EPC1: variants seen among roughly 807,000 people sequenced by gnomAD.
The protein encoded by EPC1 is enhancer of polycomb 1, also known as enhancer of polycomb homolog 1.
A neutral mutation model predicts 98.4 loss-of-function variants in EPC1; 12 were observed. The ratio of observed to expected loss-of-function variants is 0.12; its 90% CI spans 0.08 to 0.20. The LOEUF is 0.20. EPC1 is among the 10% of genes least tolerant of loss of function. The probability of loss-of-function intolerance (pLI) is 1.00; values close to 1 mark genes in which losing one functional copy is unlikely to be tolerated. For synonymous variants in EPC1, 357 were observed against 363.9 expected, an observed-to-expected ratio of 0.98 and a Z score of 0.21; for missense variants, 729 against 990.5, an observed-to-expected ratio of 0.74 and a Z score of 3.54.
In EPC1 at chr10:32,271,904, G is replaced by A. The variant is rs1835865233; in HGVS notation, c.2019C>T (p.Gly673=). 1.1e-5 allele frequency: 17 copies of A among 1,613,606 alleles called. No homozygotes were observed. Among genetic ancestry groups the A allele is most frequent in the Non-Finnish European group, 1.4e-5 (17 of 1,179,688 alleles). The part of the protein sequence containing the change: ...GVLPASGVYK[G]LHLSSTTPTA... The stretch of plus-strand genomic sequence containing the variant: ...TTGGTGTAGTACTACTGAGGTGTAA[G>A]CCCTTGTATACTCCTAGAGAGAAAA... Residue 673 remains glycine, a synonymous_variant, in exon 13 of 14, where the codon GGC becomes GGT. Coordinates refer to ENST00000319778, the MANE Select transcript of EPC1 (RefSeq NM_001272004.3).
At chr10:32,286,640 C>A (rs1414790141) in intron 9 of EPC1, 54 bp downstream of exon 9, 10 of 1,589,868 alleles carry the variant, frequency 6.3e-6, no homozygotes, top group Non-Finnish European at 8.6e-6. Flanking sequence ...AAGTTAGATT[C>A]AATCACCCTA....
intron 10 of EPC1, among the ~76,000 whole-genome samples, chr10:32,278,795 T>C (rs1308130059): frequency 6.6e-6 from 1 of 152,112 alleles, no homozygotes; most frequent in Non-Finnish European, 1.5e-5. Context: ...GTTGACAGGG[T>C]TCACGAGCCT....
At chr10:32,340,323 G>A (rs1263471070) in intron 1 of EPC1, among the ~76,000 whole-genome samples, 1 of 152,124 alleles carries the variant, frequency 6.6e-6, no homozygotes, top group Non-Finnish European at 1.5e-5. Context: ...CAGCAAGTTT[G>A]CTTTTGTTTT....
At chr10:32,286,028 A>T (rs1836662926) in intron 9 of EPC1, 1 of 152,218 alleles carries the variant, frequency 6.6e-6, no homozygotes, top group African/African-American at 2.4e-5. Flanking sequence ...TGTATAAGCC[A>T]TTAGTTTATC....
chr10:32,371,554 G>A (rs1839749773), intron 1 of EPC1, among the ~76,000 whole-genome samples: 3 of 152,284 alleles, frequency 2.0e-5, no homozygotes, highest in Middle Eastern at 3.4e-3. Flanking sequence ...ACACATTAAT[G>A]ACTCGTTGGC....
At chr10:32,282,939 A>C (rs1836486444) in intron 10 of EPC1, 1 of 152,204 alleles carries the variant, frequency 6.6e-6, no homozygotes, top group Non-Finnish European at 1.5e-5. Flanking sequence ...GTCTTTATTG[A>C]AAAGTTCTTT....
chr10:32,297,282 C>CTT (rs555311885), intron 2 of EPC1, among the ~76,000 whole-genome samples: 12,651 of 135,278 alleles, frequency 0.094, 817 homozygotes, highest in African/African-American at 0.19. Context: ...GTTAATAATT[C>CTT]TTTTTTTTTT....
chr10:32,355,124 A>G (rs979525146), intron 1 of EPC1, among the ~76,000 whole-genome samples: 3 of 152,220 alleles, frequency 2.0e-5, no homozygotes, highest in African/African-American at 4.8e-5. Context: ...GTTGTCTCCC[A>G]TGAAACTAGT....
chr10:32,271,312 A>T lies in EPC1; in HGVS notation c.2369+242T>A, dbSNP rs1835832199. Among the ~76,000 whole-genome samples, 3 of 152,194 alleles carry T rather than the reference A, an allele frequency of 2.0e-5. No individual in the cohort carries two copies. The South Asian group carries it at 6.2e-4, about 32-fold the overall frequency. ...GGTATAACTATTGTTATAGTAAGAA[A>T]GGGATGTTCCAAATCATATATGCAA... On this transcript the variant is annotated intron_variant, in intron 13 of 13. Transcript: ENST00000319778.
intron 1 of EPC1, among the ~76,000 whole-genome samples, chr10:32,331,530 A>G (rs1002325314): frequency 1.9e-5 from 1 of 52,842 alleles, no homozygotes; most frequent in African/African-American, 5.9e-5. Context: ...TTTACTTCAA[A>G]TGAAAAAAAA....
At chr10:32,355,730 C>T (rs1411565033) in intron 1 of EPC1, among the ~76,000 whole-genome samples, 1 of 149,854 alleles carries the variant, frequency 6.7e-6, no homozygotes, top group African/African-American at 2.4e-5. Flanking sequence ...CCTGCCTCAG[C>T]CTCCCGAGTA....
intron 2 of EPC1, among the ~76,000 whole-genome samples, chr10:32,298,202 T>C: frequency 6.6e-6 from 1 of 152,158 alleles, no homozygotes; most frequent in East Asian, 1.9e-4. Context: ...ATCTTTGCCT[T>C]AGATCTAAGA....
At chr10:32,282,855 TAGAA>T in intron 10 of EPC1, 1 of 152,326 alleles carries the variant, frequency 6.6e-6, no homozygotes, top group East Asian at 1.9e-4. Flanking sequence ...TTTTACAGCT[TAGAA>T]AGCTTAATTA....
intron 1 of EPC1, among the ~76,000 whole-genome samples, chr10:32,337,299 G>C (rs1263429368): frequency 6.6e-6 from 1 of 152,156 alleles, no homozygotes; most frequent in East Asian, 1.9e-4. Flanking sequence ...CTGGTTAGTG[G>C]GAATGTGTAG....
intron 1 of EPC1, among the ~76,000 whole-genome samples, chr10:32,358,477 C>T (rs999278276): frequency 4.6e-5 from 7 of 151,848 alleles, no homozygotes; most frequent in African/African-American, 1.7e-4. Context: ...GACCCCATCT[C>T]TACAAAAAAT....
intron 6 of EPC1, among the ~76,000 whole-genome samples, chr10:32,290,505 A>AAAAAAAAAGAAAGAAAGAAAG (rs1554819136): frequency 1.3e-5 from 1 of 77,472 alleles, no homozygotes; most frequent in East Asian, 4.7e-4. Flanking sequence ...AAAAAAAAAA[A>AAAAAAAAAGAAAGAAAGAAAG]AAAGAAAGAA....
chr10:32,340,876 C>T (rs1455905369), intron 1 of EPC1, among the ~76,000 whole-genome samples: 3 of 151,908 alleles, frequency 2.0e-5, no homozygotes, highest in Non-Finnish European at 4.4e-5. Flanking sequence ...CATTTGAATC[C>T]CTTGTCTTCT....
At chr10:32,335,214 A>G (rs746215587) in intron 1 of EPC1, among the ~76,000 whole-genome samples, 1 of 152,084 alleles carries the variant, frequency 6.6e-6, no homozygotes, top group Non-Finnish European at 1.5e-5. Context: ...AAATCCCATC[A>G]TTCTTTGTAA....
intron 6 of EPC1, among the ~76,000 whole-genome samples, chr10:32,288,350 T>C (rs3006618): frequency 0.45 from 65,427 of 144,710 alleles, 17,847 homozygotes; most frequent in East Asian, 0.72. Flanking sequence ...AGTCTTGCTC[T>C]GTCACTTAGG....
Sources: allele counts gnomAD v4.1 joint callset (sites outside exome capture counted in the v4.1 genomes callset), GRCh38; gene constraint gnomAD v4.1.1; transcripts MANE v1.5; gene names NCBI Gene and HGNC (gene_info 2026-07-23, HGNC 2026-07-21).